Variants in TAF3 observed in about 807,000 individuals in gnomAD.
TAF3 encodes TATA-box binding protein associated factor 3.
In TAF3, 7 loss-of-function variants were observed where a neutral mutation model predicts 80.6. That is an observed-to-expected ratio of 0.09 (90% confidence interval 0.05 to 0.16). TAF3 has a LOEUF of 0.16. Among genes scored for constraint, TAF3 ranks in the 10% least tolerant of loss-of-function variants. The pLI, the probability that TAF3 is intolerant of heterozygous loss-of-function variation, is 1.00. For synonymous variants in TAF3, 444 were observed against 446.1 expected, an observed-to-expected ratio of 1.00 and a Z score of 0.06; for missense variants, 921 against 1,140.2, an observed-to-expected ratio of 0.81 and a Z score of 2.77.
At chr10:7,948,258 C>CTTT (rs575870423) in intron 2 of TAF3, among the ~76,000 whole-genome samples, 1 of 139,316 alleles carries the variant, frequency 7.2e-6, no homozygotes, top group Admixed American at 7.2e-5. Context: ...TTCTTTCTTT[C>CTTT]TTTTTTTTTT....
chr10:7,882,753 C>G (rs761076776), intron 2 of TAF3, among the ~76,000 whole-genome samples: 1 of 152,156 alleles, frequency 6.6e-6, no homozygotes, highest in Admixed American at 6.5e-5. Flanking sequence ...GAATGTAGTA[C>G]GTAACCACTG....
intron 4 of TAF3, among the ~76,000 whole-genome samples, chr10:7,996,646 T>A (rs74613900): frequency 0.034 from 5,133 of 148,954 alleles, 294 homozygotes; most frequent in African/African-American, 0.12. Context: ...GTGAGGGGGG[T>A]TTTTTTTGTG....
intron 2 of TAF3, among the ~76,000 whole-genome samples, chr10:7,867,784 G>A (rs58020923): frequency 0.19 from 29,462 of 152,024 alleles, 3,655 homozygotes; most frequent in Non-Finnish European, 0.28. Flanking sequence ...GGAGTTGGGG[G>A]CACAGACCCC....
intron 5 of TAF3, among the ~76,000 whole-genome samples, chr10:8,011,718 T>C (rs1832057797): frequency 6.6e-6 from 1 of 152,262 alleles, no homozygotes; most frequent in Non-Finnish European, 1.5e-5. Flanking sequence ...AAAGATTTTG[T>C]ACTTAACCTC....
chr10:7,864,036 A>ATCCTAAGCCAGTGTGGT (rs1837184377), intron 2 of TAF3, among the ~76,000 whole-genome samples: 1 of 152,150 alleles, frequency 6.6e-6, no homozygotes, highest in African/African-American at 2.4e-5. Context: ...CACTGTCAGT[A>ATCCTAAGCCAGTGTGGT]TCCTAAGCCA....
At chr10:7,925,993 G>A (rs1053542605) in intron 2 of TAF3, among the ~76,000 whole-genome samples, 4 of 152,178 alleles carry the variant, frequency 2.6e-5, no homozygotes, top group African/African-American at 9.6e-5. Context: ...GCCAAGGTGG[G>A]AGGATTGCTT....
intron 3 of TAF3, among the ~76,000 whole-genome samples, chr10:7,971,608 G>T (rs1483253874): frequency 6.6e-6 from 1 of 152,176 alleles, no homozygotes; most frequent in Non-Finnish European, 1.5e-5. Context: ...AGAGTTCCAA[G>T]ATAGAATTTA....
chr10:7,885,693 T>G (rs1362675317), intron 2 of TAF3, among the ~76,000 whole-genome samples: 1 of 152,206 alleles, frequency 6.6e-6, no homozygotes, highest in Non-Finnish European at 1.5e-5. Context: ...CCACACAGTC[T>G]TCATTATCTC....
chr10:7,915,607 C>T (rs1272397323), intron 2 of TAF3, among the ~76,000 whole-genome samples: 3 of 143,296 alleles, frequency 2.1e-5, no homozygotes, highest in Non-Finnish European at 4.5e-5. Context: ...CGCGCCACTG[C>T]ACTCCAGCCT....
intron 3 of TAF3, among the ~76,000 whole-genome samples, chr10:7,971,125 A>G (rs1352991859): frequency 6.6e-6 from 1 of 152,186 alleles, no homozygotes; most frequent in Non-Finnish European, 1.5e-5. Flanking sequence ...CGGACGGGAA[A>G]GCTCATATTC....
chr10:7,938,310 G>A (rs528179118), intron 2 of TAF3, among the ~76,000 whole-genome samples: 14 of 152,206 alleles, frequency 9.2e-5, no homozygotes, highest in African/African-American at 2.9e-4. Flanking sequence ...GCCCCACTGC[G>A]CAGGAGGACA....
intron 4 of TAF3, among the ~76,000 whole-genome samples, chr10:7,992,787 C>G (rs577954144): frequency 6.6e-6 from 1 of 152,270 alleles, no homozygotes; most frequent in African/African-American, 2.4e-5. Context: ...TATTTTCAAA[C>G]ATAAAAGAGT....
chr10:7,874,696 AGT>A (rs1491169034), intron 2 of TAF3, among the ~76,000 whole-genome samples: 2 of 151,292 alleles, frequency 1.3e-5, no homozygotes, highest in South Asian at 2.1e-4. Flanking sequence ...GTTTTGTCTT[AGT>A]TTTTTTTTTC....
At chr10:7,848,890 A>G (rs928299964) in intron 2 of TAF3, among the ~76,000 whole-genome samples, 6 of 152,208 alleles carry the variant, frequency 3.9e-5, no homozygotes, top group Non-Finnish European at 5.9e-5. Context: ...TATGTAGCCT[A>G]CTGTGTCAGT....
At chr10:7,844,021 G>A (rs1836945007) in intron 2 of TAF3, among the ~76,000 whole-genome samples, 1 of 152,096 alleles carries the variant, frequency 6.6e-6, no homozygotes. Flanking sequence ...AAAATCTTGA[G>A]AAAAAGCATA....
chr10:7,974,139 C>T (rs1831647713), intron 3 of TAF3, among the ~76,000 whole-genome samples: 1 of 58,602 alleles, frequency 1.7e-5, no homozygotes, highest in African/African-American at 4.3e-5. Context: ...AACATACACA[C>T]ACACACACAC....
intron 4 of TAF3, among the ~76,000 whole-genome samples, chr10:7,988,462 C>T (rs923131513): frequency 6.7e-6 from 1 of 148,630 alleles, no homozygotes; most frequent in Admixed American, 6.9e-5. Flanking sequence ...ATCCCAGCTA[C>T]TCAGGAGGTT....
intron 2 of TAF3, among the ~76,000 whole-genome samples, chr10:7,918,191 T>G (rs1837730046): frequency 6.6e-6 from 1 of 152,070 alleles, no homozygotes; most frequent in South Asian, 2.1e-4. Flanking sequence ...AAGAAACAGT[T>G]AAGGACTGGG....
At chr10:7,913,905 A>G (rs79233740) in intron 2 of TAF3, among the ~76,000 whole-genome samples, 1,669 of 152,334 alleles carry the variant, frequency 0.011, 20 homozygotes, top group Middle Eastern at 0.031. Context: ...GAGGGAAACA[A>G]CTTGATCCAG....
Sources: gnomAD v4.1 joint callset for allele counts (sites outside exome capture counted in the v4.1 genomes callset) on GRCh38, gnomAD v4.1.1 for gene constraint, MANE v1.5 for transcripts, NCBI Gene and HGNC (gene_info 2026-07-23, HGNC 2026-07-21) for gene names.